Variants in ST18 observed in about 807,000 individuals in gnomAD.
ST18 encodes the protein ST18 C2H2C-type zinc finger transcription factor, also known as suppression of tumorigenicity 18 protein.
Under a neutral mutation model 110.0 loss-of-function variants are expected in ST18, and 50 were observed. That is an observed-to-expected ratio of 0.45 (90% CI 0.36 to 0.58). ST18 has a LOEUF of 0.58. Among genes scored for constraint, ST18 ranks in the 20% least tolerant of loss-of-function variants. The pLI, the probability that ST18 is intolerant of heterozygous loss-of-function variation, is 0.00. For synonymous variants in ST18, 461 were observed against 452.4 expected (o/e 1.02, Z -0.24); for missense variants, 1,306 against 1,280.1 (o/e 1.02, Z -0.31).
At chr8:52,303,149 C>G (rs1025867940) in intron 2 of ST18, among the ~76,000 whole-genome samples, 1 of 152,210 alleles carries the variant, frequency 6.6e-6, no homozygotes, top group Non-Finnish European at 1.5e-5. Context: ...CAGATTTATT[C>G]TCTCACAGCC....
intron 8 of ST18, among the ~76,000 whole-genome samples, chr8:52,203,685 T>C (rs1160965050): frequency 1.3e-5 from 2 of 152,164 alleles, no homozygotes; most frequent in Non-Finnish European, 2.9e-5. Context: ...GCCTGATGAT[T>C]AAAGTTCATG....
At position 52,172,016 on chromosome 8, in the gene ST18, T is replaced by C. The variant is rs1462664681; in HGVS notation, c.845A>G (p.Asp282Gly). The change falls in exon 10 of 26, where the codon GAT becomes GGT. Residue 282 changes from aspartate to glycine, a missense_variant. Transcript: ENST00000689386. ...CGTCATTACTGCCAGGCTCTCGCTA[T>C]CTTCCTCCTCAACGTCAGGGAATGA... ...QPSFPDVEEE[D>G]SESLAVMTEE... is the part of the protein sequence containing the mutation. 1 of 1,614,128 alleles carries C rather than the reference T, an allele frequency of 6.2e-7. No homozygotes were observed. Among genetic ancestry groups the C allele is most frequent in the Non-Finnish European group, 8.5e-7 (1 of 1,180,040 alleles).
intron 2 of ST18, among the ~76,000 whole-genome samples, chr8:52,364,608 G>A (rs1186953163): frequency 2.0e-5 from 3 of 152,158 alleles, no homozygotes; most frequent in African/African-American, 7.2e-5. Flanking sequence ...CAAATCTACT[G>A]ACACCAACAT....
chr8:52,346,719 C>G (rs1479916581), intron 2 of ST18, among the ~76,000 whole-genome samples: 1 of 152,088 alleles, frequency 6.6e-6, no homozygotes, highest in Admixed American at 6.6e-5. Context: ...AATGTTAGCT[C>G]CAGCAAAACT....
rs2043351971 is a variant in ST18, at chr8:52,118,432, C to T, written c.2765G>A (p.Ser922Asn). The change falls in exon 24 of 26, where the codon AGT (serine) becomes AAT (asparagine). Residue 922 changes from serine to asparagine, a missense_variant. Coordinates refer to ENST00000689386, the MANE Select transcript of ST18 (RefSeq NM_001352837.2). ...IKLKATGGIESDEEIRHLDEE... is the reference protein window; with the variant it reads ...IKLKATGGIENDEEIRHLDEE... ...ATCCAAATGCCTAATTTCTTCATCA[C>T]TCTCTATTCCTGTAAAGAGTAAGAC... 1 of 1,602,016 alleles carries T rather than the reference C, an allele frequency of 6.2e-7. No homozygotes were observed. Among genetic ancestry groups the T allele is most frequent in the African/African-American group, 1.3e-5 (1 of 74,556 alleles).
At chr8:52,157,006 G>A (rs1263959626) in intron 15 of ST18, among the ~76,000 whole-genome samples, 2 of 152,156 alleles carry the variant, frequency 1.3e-5, no homozygotes, top group Non-Finnish European at 2.9e-5. Context: ...AGGCTGAGGC[G>A]TGCGGCGAGC....
intron 2 of ST18, among the ~76,000 whole-genome samples, chr8:52,251,486 G>A (rs2094304932): frequency 6.6e-6 from 1 of 152,040 alleles, no homozygotes; most frequent in African/African-American, 2.4e-5. Flanking sequence ...TAAAAACTGA[G>A]ATTTACTTTA....
At chr8:52,239,065 G>C (rs78471325) in intron 2 of ST18, among the ~76,000 whole-genome samples, 11,989 of 152,056 alleles carry the variant, frequency 0.079, 1,006 homozygotes, top group African/African-American at 0.2. Flanking sequence ...TTGAAAATAT[G>C]CTAAGTGAAA....
At chr8:52,360,687 G>A (rs1007765757) in intron 2 of ST18, among the ~76,000 whole-genome samples, 3 of 152,038 alleles carry the variant, frequency 2.0e-5, no homozygotes, top group African/African-American at 7.2e-5. Flanking sequence ...AGTATTTTTC[G>A]ATTTATTTTA....
At chr8:52,364,514 C>A (rs535747854) in intron 2 of ST18, among the ~76,000 whole-genome samples, 1 of 152,190 alleles carries the variant, frequency 6.6e-6, no homozygotes, top group Non-Finnish European at 1.5e-5. Flanking sequence ...TGCATATACA[C>A]TTCAGACACT....
chr8:52,355,755 T>C (rs958488398), intron 2 of ST18, among the ~76,000 whole-genome samples: 1 of 152,204 alleles, frequency 6.6e-6, no homozygotes, highest in Non-Finnish European at 1.5e-5. Context: ...CAGCCCACAC[T>C]GCTGGTTCAG....
At chr8:52,278,397 T>A (rs1471201480) in intron 2 of ST18, among the ~76,000 whole-genome samples, 2 of 152,184 alleles carry the variant, frequency 1.3e-5, no homozygotes, top group East Asian at 3.8e-4. Flanking sequence ...AAATAACATA[T>A]ACATGTGAGG....
intron 2 of ST18, among the ~76,000 whole-genome samples, chr8:52,268,483 CT>C (rs376276907): frequency 1.0e-5 from 1 of 96,094 alleles, no homozygotes; most frequent in African/African-American, 3.0e-5. Flanking sequence ...ATCTATCTAT[CT>C]ATCTATCTAT....
intron 23 of ST18, among the ~76,000 whole-genome samples, chr8:52,119,273 TAGA>T (rs2043737762): frequency 6.6e-6 from 1 of 152,164 alleles, no homozygotes; most frequent in African/African-American, 2.4e-5. Flanking sequence ...GATTACTTTG[TAGA>T]AGGAGTATGA....
chr8:52,353,496 T>C (rs1405701297), intron 2 of ST18, among the ~76,000 whole-genome samples: 1 of 152,196 alleles, frequency 6.6e-6, no homozygotes, highest in African/African-American at 2.4e-5. Context: ...GAAAGTTTCT[T>C]GTCTAAATAA....
chr8:52,236,837 T>TA (rs2092750303), intron 2 of ST18, among the ~76,000 whole-genome samples: 1 of 152,008 alleles, frequency 6.6e-6, no homozygotes, highest in South Asian at 2.1e-4. Flanking sequence ...TGAAATAAGG[T>TA]AAAAATCATA....
chr8:52,164,164 G>A, intron 12 of ST18, 74 bp from the exon 13 acceptor site: 1 of 1,110,592 alleles, frequency 9.0e-7, no homozygotes, highest in South Asian at 1.3e-5. Context: ...GTGCCTCACA[G>A]CACACTTGGC....
intron 16 of ST18, among the ~76,000 whole-genome samples, chr8:52,148,195 T>C (rs2057865939): frequency 6.6e-6 from 1 of 151,636 alleles, no homozygotes; most frequent in Non-Finnish European, 1.5e-5. Context: ...TATCATCAAA[T>C]ATGTATTATT....
chr8:52,226,363 A>C (rs977929516), intron 3 of ST18, among the ~76,000 whole-genome samples: 5 of 152,160 alleles, frequency 3.3e-5, no homozygotes, highest in Admixed American at 6.5e-5. Flanking sequence ...TGAGCAAAAA[A>C]CGCATCTCAT....
Sources: allele counts gnomAD v4.1 joint callset (sites outside exome capture counted in the v4.1 genomes callset), GRCh38; gene constraint gnomAD v4.1.1; transcripts MANE v1.5; gene names NCBI Gene and HGNC (gene_info 2026-07-23, HGNC 2026-07-21).